The following SMYD3 variants were observed in gnomAD, a reference collection of about 807,000 sequenced individuals.
The protein encoded by SMYD3 is SET and MYND domain containing 3.
A neutral mutation model predicts 57.7 loss-of-function variants in SMYD3; 36 were observed. The ratio of observed to expected loss-of-function variants is 0.62; its 90% CI spans 0.48 to 0.82. The LOEUF (loss-of-function observed/expected upper bound fraction) is 0.82. SMYD3 is among the 40% of genes least tolerant of loss of function. The pLI is 0.00. For missense variants in SMYD3, 515 were observed against 538.8 expected (o/e 0.96, Z 0.44); for synonymous variants, 211 against 195.0 (o/e 1.08, Z -0.68).
intron 1 of SMYD3, among the ~76,000 whole-genome samples, chr1:246,364,959 T>C (rs938985283): frequency 2.0e-5 from 3 of 151,968 alleles, no homozygotes; most frequent in Admixed American, 2.0e-4. Context: ...CAGACAAATA[T>C]GAACTCAAAA....
intron 5 of SMYD3, among the ~76,000 whole-genome samples, chr1:245,959,256 C>G (rs1366798265): frequency 6.6e-6 from 1 of 152,176 alleles, no homozygotes; most frequent in Non-Finnish European, 1.5e-5. Flanking sequence ...GCCACCATGC[C>G]CGGCCAAGAG....
chr1:246,087,152 T>C (rs971071342), intron 5 of SMYD3, among the ~76,000 whole-genome samples: 14 of 152,184 alleles, frequency 9.2e-5, no homozygotes, highest in Admixed American at 5.2e-4. Flanking sequence ...GCTCCCCCCA[T>C]GATTCAGAAT....
In SMYD3 at chr1:246,225,418, T is replaced by TA. The variant is rs369318402; in HGVS notation, c.531+101782dup. ...TTTGGTAACCTTATTAGAACAACTGTAATGAAGTGTCAGAAAAGAAAGTCC... is the reference window on the plus strand; with the variant it reads ...TTTGGTAACCTTATTAGAACAACTGTAAATGAAGTGTCAGAAAAGAAAGTCC... On this transcript the variant is annotated intron_variant, in intron 5 of 11. Coordinates refer to ENST00000490107, the MANE Select transcript of SMYD3 (RefSeq NM_001167740.2). 1.4e-4 allele frequency among the ~76,000 whole-genome samples: 20 copies of TA among 145,962 alleles called. 1 individual carries two copies. The highest frequency in any genetic ancestry group is 5.1e-4 in the African/African-American group (20 of 39,564).
intron 5 of SMYD3, among the ~76,000 whole-genome samples, chr1:246,278,549 G>A (rs2064381123): frequency 6.6e-6 from 1 of 152,202 alleles, no homozygotes; most frequent in Non-Finnish European, 1.5e-5. Context: ...TCCAGGAACT[G>A]TGGGTAGACT....
intron 5 of SMYD3, among the ~76,000 whole-genome samples, chr1:245,947,883 A>G (rs1538300): frequency 1 from 151,597 of 152,290 alleles, 75,455 homozygotes; most frequent in Middle Eastern, 1. Flanking sequence ...CTAGGTTTCC[A>G]GAAGTAAGTC....
At chr1:246,284,014 G>GA (rs1359177771) in intron 5 of SMYD3, among the ~76,000 whole-genome samples, 5 of 152,182 alleles carry the variant, frequency 3.3e-5, no homozygotes, top group African/African-American at 1.2e-4. Context: ...AATTACTCAT[G>GA]AAAGAAGAAC....
intron 8 of SMYD3, among the ~76,000 whole-genome samples, chr1:245,883,828 T>TA (rs2052926925): frequency 6.6e-6 from 1 of 152,154 alleles, no homozygotes; most frequent in South Asian, 2.1e-4. Context: ...ATTGAGTACA[T>TA]AGTAGGTATT....
At chr1:245,791,820 C>T (rs957586653) in intron 10 of SMYD3, among the ~76,000 whole-genome samples, 5 of 152,140 alleles carry the variant, frequency 3.3e-5, no homozygotes, top group Admixed American at 6.5e-5. Flanking sequence ...CTAGAATTAT[C>T]GCTGCCTTTC....
chr1:245,939,256 T>G (rs1228541976), intron 5 of SMYD3, among the ~76,000 whole-genome samples: 2 of 152,266 alleles, frequency 1.3e-5, no homozygotes, highest in East Asian at 3.9e-4. Context: ...TTGCTGAAAA[T>G]ACAGTTTGAC....
chr1:246,180,308 A>ATATAAACTACTT (rs1435492313), intron 5 of SMYD3, among the ~76,000 whole-genome samples: 3 of 145,986 alleles, frequency 2.1e-5, no homozygotes, highest in Non-Finnish European at 4.5e-5. Context: ...ATAAGTATAT[A>ATATAAACTACTT]TATAAACTAC....
At chr1:245,776,123 A>G (rs1266686992) in intron 10 of SMYD3, among the ~76,000 whole-genome samples, 1 of 152,264 alleles carries the variant, frequency 6.6e-6, no homozygotes, top group Non-Finnish European at 1.5e-5. Flanking sequence ...TACTTTCTTT[A>G]CAATTCTTTA....
intron 10 of SMYD3, among the ~76,000 whole-genome samples, chr1:245,783,226 T>G (rs774000278): frequency 2.4e-4 from 36 of 150,372 alleles, no homozygotes; most frequent in Non-Finnish European, 4.9e-4. Context: ...AGAAGTACAT[T>G]CTACAGTATT....
intron 5 of SMYD3, chr1:246,305,777 AGC>A (rs1159810933): frequency 6.6e-6 from 1 of 152,256 alleles, no homozygotes; most frequent in Non-Finnish European, 1.5e-5. Context: ...ACACAAAGTT[AGC>A]TTGTCCTACA....
intron 5 of SMYD3, among the ~76,000 whole-genome samples, chr1:246,290,477 C>T (rs2064668115): frequency 6.6e-6 from 1 of 152,194 alleles, no homozygotes; most frequent in African/African-American, 2.4e-5. Context: ...TGAAGTGCAC[C>T]TGTAAAAACC....
At chr1:245,756,347 A>G (rs1250116991) in intron 11 of SMYD3, among the ~76,000 whole-genome samples, 2 of 151,854 alleles carry the variant, frequency 1.3e-5, no homozygotes, top group Non-Finnish European at 2.9e-5. Flanking sequence ...TTAGAATCAT[A>G]TCAGATAGTG....
intron 1 of SMYD3, among the ~76,000 whole-genome samples, chr1:246,472,347 CTA>C (rs1166430958): frequency 3.9e-5 from 6 of 152,178 alleles, no homozygotes; most frequent in African/African-American, 1.4e-4. Context: ...GCACCTTTTA[CTA>C]TGTTGTTTTT....
chr1:245,816,858 A>G (rs1473628534), intron 10 of SMYD3, among the ~76,000 whole-genome samples: 2 of 151,878 alleles, frequency 1.3e-5, no homozygotes, highest in Middle Eastern at 6.8e-3. Flanking sequence ...AAAACGGCGC[A>G]CCACGAGATT....
chr1:246,123,981 A>G (rs1157735919), intron 5 of SMYD3, among the ~76,000 whole-genome samples: 1 of 152,176 alleles, frequency 6.6e-6, no homozygotes, highest in African/African-American at 2.4e-5. Flanking sequence ...TATATCTACG[A>G]ATATACCACA....
At chr1:245,940,595 CAGAA>C (rs1024882934) in intron 5 of SMYD3, among the ~76,000 whole-genome samples, 2 of 138,938 alleles carry the variant, frequency 1.4e-5, no homozygotes, top group African/African-American at 2.5e-5. Flanking sequence ...CAAAAAAAAA[CAGAA>C]AGCACCACTA....
Sources: allele counts gnomAD v4.1 joint callset (sites outside exome capture counted in the v4.1 genomes callset), GRCh38; gene constraint gnomAD v4.1.1; transcripts MANE v1.5; gene names NCBI Gene and HGNC (gene_info 2026-07-23, HGNC 2026-07-21).